The following ANKRD24 variants were observed in gnomAD, a reference collection of about 807,000 sequenced individuals.
ANKRD24 encodes the protein ankyrin repeat domain-containing protein 24.
A neutral mutation model predicts 127.8 loss-of-function variants in ANKRD24; 109 were observed. The ratio of observed to expected loss-of-function variants is 0.85; its 90% CI spans 0.73 to 1.00. The LOEUF (loss-of-function observed/expected upper bound fraction) is 1.00. ANKRD24 is among the 50% of genes least tolerant of loss of function. The probability of loss-of-function intolerance (pLI) is 0.00; values close to 1 mark genes in which losing one functional copy is unlikely to be tolerated. For missense variants in ANKRD24, 1,648 were observed against 1,570.2 expected (o/e 1.05, Z -0.84); for synonymous variants, 743 against 671.1 (o/e 1.11, Z -1.66).
rs763047771 is a variant in ANKRD24, at chr19:4,212,714, A to G, written c.1197+16A>G. 7 of 1,542,942 alleles carry G rather than the reference A, an allele frequency of 4.5e-6. No homozygotes were observed. The highest frequency in any genetic ancestry group is 3.9e-4 in the Middle Eastern group (2 of 5,162). On this transcript the variant is annotated intron_variant, in intron 15 of 21. Transcript: ENST00000318934. Reference sequence around the variant, plus strand: ...CCTGCTGGAGGTAGGAGCAGTGATGAGTCAGGGCTGGGCTGGGGCTGGGTC... The same window carrying G: ...CCTGCTGGAGGTAGGAGCAGTGATGGGTCAGGGCTGGGCTGGGGCTGGGTC...
intron 20 of ANKRD24, 133 bp from the exon 21 acceptor site, chr19:4,223,994 C>T (rs1970602810): frequency 4.3e-6 from 3 of 697,070 alleles, no homozygotes; most frequent in Middle Eastern, 2.7e-4. Context: ...GCCACTATGC[C>T]CCGCCATATT....
Position 4,217,756 on chromosome 19 carries a change from C to T in ANKRD24, c.2596C>T (p.Gln866Ter). 7.7e-7 allele frequency: 1 copy of T among 1,299,442 alleles called. No homozygotes were observed. The highest frequency in any genetic ancestry group is 9.7e-7 in the Non-Finnish European group (1 of 1,027,664). The allele number at this position is 1,299,442 out of a possible 1,614,324, so 80.5% of individuals were successfully genotyped here. ...GGCCACGGCCAGGGCCACGGGGGAG[C>T]AGCAGCGCACGGCGGCCGCGGAACT... is the stretch of plus-strand genomic sequence containing the variant. Reference protein sequence around the residue: ...QLATARATGEQQRTAAAELGR... With the variant: ...QLATARATGE Residue 866 changes from glutamine to a stop codon, truncating the protein, a stop_gained, in exon 18 of 22, where the codon CAG becomes TAG. Coordinates refer to ENST00000318934, the MANE Select transcript of ANKRD24 (RefSeq NM_001393985.1). LOFTEE classifies it high-confidence loss of function.
At position 4,195,940 on chromosome 19, in the gene ANKRD24, C is replaced by T. The variant is rs1057458942; in HGVS notation, c.37-3743C>T. On this transcript the variant is annotated intron_variant, in intron 2 of 21. Transcript: ENST00000318934. The surrounding 1 kb of genome is among the most constrained non-coding windows in gnomAD (Gnocchi z 4.2). ...TAAGAATAATCACGGACCACACCGA[C>T]GTGTAAATGCTCAATGCTCACCCAG... is the stretch of plus-strand genomic sequence containing the variant. Among the ~76,000 whole-genome samples, 3 of 152,228 alleles carry T rather than the reference C, an allele frequency of 2.0e-5. No individual in the cohort carries two copies. The highest frequency in any genetic ancestry group is 4.4e-5 in the Non-Finnish European group (3 of 68,040).
rs1356741576 is a variant in ANKRD24 at position 4,195,148 on chromosome 19, C to G, written c.37-4535C>G. On this transcript the variant is annotated intron_variant, in intron 2 of 21. Coordinates refer to ENST00000318934, the MANE Select transcript of ANKRD24 (RefSeq NM_001393985.1). This position sits in a 1 kb window ranked among gnomAD's most constrained non-coding sequence, Gnocchi z 4.2. ...AGTGCAGTGGCACGACTTCTGCTCACTGCAAGCTCCGCCTCCCGGGTGCAC... is the reference window on the plus strand; with the variant it reads ...AGTGCAGTGGCACGACTTCTGCTCAGTGCAAGCTCCGCCTCCCGGGTGCAC... Among the ~76,000 whole-genome samples the G allele has an allele frequency of 2.0e-5, 3 of 151,092 alleles. No individual in the cohort carries two copies. Among genetic ancestry groups the G allele is most frequent in the Non-Finnish European group, 1.5e-5 (1 of 67,422 alleles).
chr19:4,219,912 C>T (rs1034675479), intron 19 of ANKRD24, among the ~76,000 whole-genome samples, 154 bp downstream of exon 19: 1 of 152,248 alleles, frequency 6.6e-6, no homozygotes, highest in Admixed American at 6.5e-5. Flanking sequence ...GACCTGGTTA[C>T]AGCCTCTGAC....
At chr19:4,202,173 T>C in intron 6 of ANKRD24, 83 bp downstream of exon 6, 1 of 1,291,846 alleles carries the variant, frequency 7.7e-7, no homozygotes, top group Admixed American at 1.7e-5. Flanking sequence ...CCAGATGCTC[T>C]ATGAATCCTA....
chr19:4,190,232 G>A (rs1323911321), intron 2 of ANKRD24, among the ~76,000 whole-genome samples: 2 of 151,562 alleles, frequency 1.3e-5, no homozygotes, highest in South Asian at 2.1e-4. Flanking sequence ...TCAGGAGATC[G>A]AGGCCATCCT....
intron 5 of ANKRD24, among the ~76,000 whole-genome samples, chr19:4,200,413 A>T (rs1969034440): frequency 6.6e-6 from 1 of 152,058 alleles, no homozygotes. Context: ...ATGGGGAGTG[A>T]CTAGGATTCA....
At position 4,217,964 on chromosome 19, in the gene ANKRD24, G is replaced by A. The variant is rs1480244206; in HGVS notation, c.2804G>A (p.Ser935Asn). The A allele has an allele frequency of 2.0e-6, 3 of 1,515,814 alleles. No homozygotes were observed. The highest frequency in any genetic ancestry group is 2.6e-6 in the Non-Finnish European group (3 of 1,139,416). 93.9% of individuals were successfully genotyped at this position (1,515,814 alleles called of 1,614,324 possible). A position where few individuals can be genotyped will look rare whatever the true frequency, so the allele number is the denominator to read the frequency against. The change falls in exon 18 of 22, where the codon AGT becomes AAT. Residue 935 changes from serine to asparagine, a missense_variant. Ser to Asn is a conservative substitution (Grantham distance 46). Transcript: ENST00000318934. ...CTGGAGCTGCGGGGCCGGGCAGCCAGTCTGGAGCAGGAGGTGGTGGCCACG... is the reference window on the plus strand; with the variant it reads ...CTGGAGCTGCGGGGCCGGGCAGCCAATCTGGAGCAGGAGGTGGTGGCCACG... ...EALELRGRAA[S>N]LEQEVVATGK...
At chr19:4,208,677 G>T in intron 10 of ANKRD24, 87 bp from the exon 11 acceptor site, 1 of 1,321,182 alleles carries the variant, frequency 7.6e-7, no homozygotes. Context: ...GGGGAAATCG[G>T]GAGCCCCCTA....
chr19:4,202,101 G>T lies in ANKRD24; in HGVS notation c.408+11G>T. 3.7e-6 allele frequency: 6 copies of T among 1,613,256 alleles called. No homozygotes were observed. Among genetic ancestry groups the T allele is most frequent in the Non-Finnish European group, 5.1e-6 (6 of 1,179,352 alleles). On this transcript the variant is annotated intron_variant, in intron 6 of 21. Coordinates refer to ENST00000318934, the MANE Select transcript of ANKRD24 (RefSeq NM_001393985.1). ...AAGCAACTACTGCAGGTCATTTACT[G>T]TCTTATCTCAGCTACTCCCTTGGCC...
chr19:4,183,903 C>T (rs547363271), intron 1 of ANKRD24, among the ~76,000 whole-genome samples: 7 of 151,712 alleles, frequency 4.6e-5, no homozygotes, highest in Non-Finnish European at 8.8e-5. Context: ...CATGAAACTC[C>T]GTCTCAAAAA....
At position 4,198,029 on chromosome 19, in the gene ANKRD24, C is replaced by T. The variant is rs1314690545; in HGVS notation, c.37-1654C>T. On this transcript the variant is annotated intron_variant, in intron 2 of 21. Coordinates refer to ENST00000318934, the MANE Select transcript of ANKRD24 (RefSeq NM_001393985.1). The surrounding 1 kb of genome is among the most constrained non-coding windows in gnomAD (Gnocchi z 6.1). ...AATGAAAGTGTGAGTGGCGAGAGCC[C>T]TGCCGGCCGCGTGGAGGTGCGAGGC... 5 of 409,844 alleles carry T rather than the reference C, an allele frequency of 1.2e-5. No individual in the cohort carries two copies. The highest frequency in any genetic ancestry group is 2.2e-5 in the Non-Finnish European group (5 of 231,568). 25.4% of individuals were successfully genotyped at this position (409,844 alleles called of 1,614,324 possible).
intron 18 of ANKRD24, 136 bp downstream of exon 18, chr19:4,218,299 A>ATTTG: frequency 2.9e-6 from 2 of 678,804 alleles, no homozygotes; most frequent in South Asian, 1.6e-4. Flanking sequence ...TTATTTATTT[A>ATTTG]TTTATTTATT....
intron 2 of ANKRD24, among the ~76,000 whole-genome samples, chr19:4,196,272 T>C (rs1266029718): frequency 6.6e-6 from 1 of 152,202 alleles, no homozygotes; most frequent in East Asian, 1.9e-4. Context: ...CCAAACGGAA[T>C]TCAAGCCCCT....
chr19:4,185,865 C>G (rs1330010369), intron 1 of ANKRD24, among the ~76,000 whole-genome samples: 1 of 152,174 alleles, frequency 6.6e-6, no homozygotes, highest in Non-Finnish European at 1.5e-5. Flanking sequence ...AGAGACCCAG[C>G]CAGGGTAGGC....
Position 4,217,688 on chromosome 19 carries a change from G to GGCTGGAGCAGAGCCGGGA in ANKRD24, c.2536_2553dup (p.Gln846_Glu851dup). The GGCTGGAGCAGAGCCGGGA allele has an allele frequency of 7.8e-7, 1 of 1,287,560 alleles. No individual in the cohort carries two copies. Among genetic ancestry groups the GGCTGGAGCAGAGCCGGGA allele is most frequent in the Admixed American group, 4.3e-5 (1 of 23,150 alleles). 79.8% of individuals were successfully genotyped at this position (1,287,560 alleles called of 1,614,324 possible). A position where few individuals can be genotyped will look rare whatever the true frequency, so the allele number is the denominator to read the frequency against. ...GAGCTGGCCCAGCGGGAGGAGGCGCGGCTGGAGCAGAGCCGGGAGCTGGAG... is the reference window on the plus strand; with the variant it reads ...GAGCTGGCCCAGCGGGAGGAGGCGCGGCTGGAGCAGAGCCGGGAGCTGGAGCAGAGCCGGGAGCTGGAG... On this transcript the variant is annotated inframe_insertion, in exon 18 of 22. Coordinates refer to ENST00000318934, the MANE Select transcript of ANKRD24 (RefSeq NM_001393985.1).
In ANKRD24 at chr19:4,217,335, G is replaced by A. The variant is rs980027757; in HGVS notation, c.2175G>A (p.Leu725=). Residue 725 remains leucine (L), a synonymous_variant, in exon 18 of 22, where the codon CTG becomes CTA. Transcript: ENST00000318934. The part of the protein sequence containing the change: ...AEASEKLQVE[L]ETRIRGLEEA... Reference sequence around the variant, plus strand: ...CCTCGGAAAAGCTTCAAGTAGAGCTGGAGACCAGGATCCGTGGCTTGGAGG... The same window carrying A: ...CCTCGGAAAAGCTTCAAGTAGAGCTAGAGACCAGGATCCGTGGCTTGGAGG... 1.3e-6 allele frequency: 2 copies of A among 1,551,598 alleles called. No individual in the cohort carries two copies. Among genetic ancestry groups the A allele is most frequent in the Admixed American group, 2.0e-5 (1 of 50,980 alleles).
chr19:4,224,147 C>T lies in ANKRD24; in HGVS notation c.3318C>T (p.Ser1106=). 6.2e-7 allele frequency: 1 copy of T among 1,612,952 alleles called. No homozygotes were observed. Among genetic ancestry groups the T allele is most frequent in the Non-Finnish European group, 8.5e-7 (1 of 1,179,724 alleles). Residue 1106 remains serine (S), a synonymous_variant, in exon 21 of 22, where the codon TCC becomes TCT. Transcript: ENST00000318934. ...QQLQEAARDH[S]SVVALYRSHL... The stretch of plus-strand genomic sequence containing the variant: ...CACAGGAAGCTGCCAGGGACCACTC[C>T]AGCGTGGTGGCTTTGTACAGAAGCC...
Sources: allele counts gnomAD v4.1 joint callset (sites outside exome capture counted in the v4.1 genomes callset), GRCh38; gene constraint gnomAD v4.1.1; non-coding constraint Gnocchi (gnomAD v3.1); transcripts MANE v1.5; gene names NCBI Gene and HGNC (gene_info 2026-07-23, HGNC 2026-07-21).